Variants in SSPN observed in about 807,000 individuals in gnomAD.
SSPN encodes the protein sarcospan, also known as K-ras oncogene-associated protein.
Under a neutral mutation model 19.1 loss-of-function variants are expected in SSPN, and 15 were observed. The observed-to-expected ratio is 0.78, with a 90% CI of 0.52 to 1.21. The LOEUF (loss-of-function observed/expected upper bound fraction) is 1.21, where lower values mean the gene tolerates loss of function less well. Ranked by LOEUF, SSPN falls within the 50% of genes most tolerant of loss-of-function variation. The probability of loss-of-function intolerance (pLI) is 0.00; values close to 1 mark genes in which losing one functional copy is unlikely to be tolerated. For synonymous variants in SSPN, 147 were observed against 140.3 expected (o/e 1.05, Z -0.34); for missense variants, 291 against 314.0 (o/e 0.93, Z 0.55).
chr12:26,195,589 G>C lies in SSPN; in HGVS notation c.-84G>C. 1 of 1,334,046 alleles carries C rather than the reference G, an allele frequency of 7.5e-7. No individual in the cohort carries two copies. The highest frequency in any genetic ancestry group is 9.5e-7 in the Non-Finnish European group (1 of 1,048,894). 82.6% of individuals were successfully genotyped at this position (1,334,046 alleles called of 1,614,324 possible). On this transcript the variant is annotated 5_prime_UTR_variant, in exon 1 of 3. Coordinates refer to ENST00000242729, the MANE Select transcript of SSPN (RefSeq NM_005086.5). ...TCAGCCTCCATAATTCGAATACCAG[G>C]GCAGGCCGAGCCAGCCGTGCGCCGC...
intron 1 of SSPN, chr12:26,180,124 G>C (rs1465582383): frequency 6.6e-6 from 1 of 151,992 alleles, no homozygotes; most frequent in African/African-American, 2.4e-5. Context: ...GCAGGACTAA[G>C]GATGGAATTG....
intron 1 of SSPN, chr12:26,124,244 C>T: frequency 1.1e-6 from 1 of 948,630 alleles, no homozygotes; most frequent in Non-Finnish European, 1.7e-6. Context: ...TTGGATATTA[C>T]CCTCGTCTGC....
intron 1 of SSPN, chr12:26,122,294 G>GGCGGCA (rs1944314997): frequency 1.1e-5 from 13 of 1,188,300 alleles, no homozygotes; most frequent in Admixed American, 4.5e-5. Context: ...CGGCGGCGGC[G>GGCGGCA]GCGGCAGCGG....
chr12:26,180,552 T>TC (rs1944712412), intron 1 of SSPN: 1 of 152,192 alleles, frequency 6.6e-6, no homozygotes, highest in Non-Finnish European at 1.5e-5. Context: ...ATTCGATTTC[T>TC]CCCCCTTAAC....
chr12:26,134,151 T>C (rs1482210601), intron 1 of SSPN, among the ~76,000 whole-genome samples: 1 of 152,232 alleles, frequency 6.6e-6, no homozygotes, highest in Non-Finnish European at 1.5e-5. Flanking sequence ...CCCCCCTTTC[T>C]AGAATCCAGC....
chr12:26,184,939 A>G (rs1040675500), intron 1 of SSPN, among the ~76,000 whole-genome samples: 5 of 152,192 alleles, frequency 3.3e-5, no homozygotes, highest in Non-Finnish European at 7.3e-5. Flanking sequence ...TAGGTGCTGG[A>G]AACCTCAAGC....
At position 26,226,505 on chromosome 12, in the gene SSPN, T is replaced by C. The variant is rs180965532; in HGVS notation, c.366+2126T>C. Among the ~76,000 whole-genome samples the C allele has an allele frequency of 1.7e-3, 261 of 152,196 alleles. 1 individual carries two copies. The highest frequency in any genetic ancestry group is 6.0e-3 in the African/African-American group (251 of 41,528). On this transcript the variant is annotated intron_variant, in intron 2 of 2. Coordinates refer to ENST00000242729, the MANE Select transcript of SSPN (RefSeq NM_005086.5). ...TTAGAGAAAATAGCCACGGGCTCTTTTTTTTTTCTCAAGCTGGGACAGCCC... is the reference window on the plus strand; with the variant it reads ...TTAGAGAAAATAGCCACGGGCTCTTCTTTTTTTCTCAAGCTGGGACAGCCC...
intron 1 of SSPN, chr12:26,211,200 A>T (rs1265159502): frequency 6.6e-6 from 1 of 152,132 alleles, no homozygotes; most frequent in African/African-American, 2.4e-5. Context: ...TCTGTTGGTT[A>T]TGCTTATTTT....
intron 1 of SSPN, among the ~76,000 whole-genome samples, chr12:26,221,974 A>AT (rs934895858): frequency 1.3e-5 from 2 of 152,326 alleles, no homozygotes; most frequent in African/African-American, 4.8e-5. Flanking sequence ...TCAATTTAGT[A>AT]TTTTTTACAA....
intron 1 of SSPN, among the ~76,000 whole-genome samples, chr12:26,136,626 T>C (rs781214467): frequency 6.6e-6 from 1 of 152,250 alleles, no homozygotes; most frequent in Admixed American, 6.5e-5. Context: ...ATGAAAATAA[T>C]TGATGAATTG....
chr12:26,137,807 G>A (rs975556141), intron 1 of SSPN, among the ~76,000 whole-genome samples: 1 of 150,746 alleles, frequency 6.6e-6, no homozygotes, highest in Admixed American at 6.6e-5. Context: ...TGGGATTACA[G>A]GGGCCCCACC....
chr12:26,191,867 T>C (rs142208416), upstream of SSPN, among the ~76,000 whole-genome samples: 606 of 152,334 alleles, frequency 4.0e-3, 3 homozygotes, highest in African/African-American at 0.013. Flanking sequence ...TCAAATCTAA[T>C]TGAACATTTC....
intron 1 of SSPN, among the ~76,000 whole-genome samples, chr12:26,165,535 G>A (rs1489585001): frequency 2.6e-5 from 4 of 152,240 alleles, no homozygotes; most frequent in African/African-American, 9.6e-5. Context: ...TCAGTAATGA[G>A]TGGGATTAAT....
intron 1 of SSPN, among the ~76,000 whole-genome samples, chr12:26,220,498 C>A (rs971598855): frequency 1.3e-5 from 2 of 152,092 alleles, no homozygotes; most frequent in African/African-American, 4.8e-5. Flanking sequence ...GCTTTCTGTT[C>A]AAAAAATTCA....
chr12:26,163,063 G>A (rs1274757578), intron 1 of SSPN, among the ~76,000 whole-genome samples: 1 of 132,852 alleles, frequency 7.5e-6, no homozygotes, highest in East Asian at 2.1e-4. Context: ...GTGTGTGTAT[G>A]TGTGTGTGTG....
At chr12:26,122,296 C>T (rs1944315028) in intron 1 of SSPN, 2 of 1,182,036 alleles carry the variant, frequency 1.7e-6, no homozygotes, top group Admixed American at 9.3e-5. Context: ...GCGGCGGCGG[C>T]GGCAGCGGCG....
chr12:26,227,397 C>T (rs1304737845), intron 2 of SSPN, among the ~76,000 whole-genome samples: 1 of 152,032 alleles, frequency 6.6e-6, no homozygotes, highest in Non-Finnish European at 1.5e-5. Flanking sequence ...TAGATACGCA[C>T]GATATAAATT....
rs118094397 is a variant in SSPN at position 26,205,753 on chromosome 12, G to A, written c.279+9802G>A. 1.7e-4 allele frequency among the ~76,000 whole-genome samples: 26 copies of A among 152,300 alleles called. No homozygotes were observed. In the East Asian group the frequency reaches 4.8e-3, roughly 28 times the overall value. Reference sequence around the variant, plus strand: ...GCAAATGTATGATCATAAATGAGAAGGGATTTCTTCATGACCGCATACAGA... The same window carrying A: ...GCAAATGTATGATCATAAATGAGAAAGGATTTCTTCATGACCGCATACAGA... On this transcript the variant is annotated intron_variant, in intron 1 of 2. Transcript: ENST00000242729.
chr12:26,185,579 G>C (rs1323443540), intron 1 of SSPN, among the ~76,000 whole-genome samples: 1 of 152,190 alleles, frequency 6.6e-6, no homozygotes, highest in African/African-American at 2.4e-5. Flanking sequence ...CCAGGGACTA[G>C]GAATAGGGAA....
Sources: gnomAD v4.1 joint callset for allele counts (sites outside exome capture counted in the v4.1 genomes callset) on GRCh38, gnomAD v4.1.1 for gene constraint, MANE v1.5 for transcripts, NCBI Gene and HGNC (gene_info 2026-07-23, HGNC 2026-07-21) for gene names.